The following PCLO variants were observed in gnomAD, a reference collection of about 807,000 sequenced individuals.
PCLO encodes the protein protein piccolo.
A neutral mutation model predicts 427.5 loss-of-function variants in PCLO; 82 were observed. The ratio of observed to expected loss-of-function variants is 0.19; its 90% CI spans 0.16 to 0.23. PCLO has a LOEUF of 0.23. Ranked by LOEUF, PCLO falls within the 10% of genes least tolerant of loss-of-function variation. The probability of loss-of-function intolerance (pLI) is 1.00; values close to 1 mark genes in which losing one functional copy is unlikely to be tolerated. For missense variants in PCLO, 6,239 were observed against 6,115.9 expected, an observed-to-expected ratio of 1.02 and a Z score of -0.67; for synonymous variants, 2,357 against 2,155.4, an observed-to-expected ratio of 1.09 and a Z score of -2.59.
intron 6 of PCLO, among the ~76,000 whole-genome samples, chr7:82,948,018 T>C (rs1795244321): frequency 6.6e-6 from 1 of 152,116 alleles, no homozygotes; most frequent in Non-Finnish European, 1.5e-5. Flanking sequence ...ACTTTGAAAA[T>C]ACTGCCAAAA....
chr7:82,950,970 T>C lies in PCLO; in HGVS notation c.9618A>G (p.Glu3206=). The change falls in exon 6 of 25, where the codon GAA becomes GAG. Residue 3206 remains glutamate, a synonymous_variant. Coordinates refer to ENST00000333891, the MANE Select transcript of PCLO (RefSeq NM_033026.6). ...CTAGCTGCTGCTGTTGTTTATCTTC[T>C]TCAGGGACAATTAAAAGAGCACTTT... The part of the protein sequence containing the change: ...GDESALLIVP[E]EDKQQQQLDL... 7 of 1,613,694 alleles carry C rather than the reference T, an allele frequency of 4.3e-6. No individual in the cohort carries two copies. Among genetic ancestry groups the C allele is most frequent in the Non-Finnish European group, 5.9e-6 (7 of 1,179,872 alleles).
chr7:83,038,024 TA>T lies in PCLO; in HGVS notation c.3301-71538del, dbSNP rs1788852710. Among the ~76,000 whole-genome samples, 2 of 54,288 alleles carry T rather than the reference TA, an allele frequency of 3.7e-5. 1 individual carries two copies. Among genetic ancestry groups the T allele is most frequent in the African/African-American group, 2.6e-4 (2 of 7,634 alleles). 35.6% of individuals were successfully genotyped at this position (54,288 alleles called of 152,430 possible). A position where few individuals can be genotyped will look rare whatever the true frequency, so the allele number is the denominator to read the frequency against. ...ATATATATATATATATATATATATATATATATTTATATATTTATATATATAT... is the reference window on the plus strand; with the variant it reads ...ATATATATATATATATATATATATATTATATTTATATATTTATATATATAT... On this transcript the variant is annotated intron_variant, in intron 3 of 24. Transcript: ENST00000333891.
At chr7:82,762,529 T>A (rs1790452321) in intron 22 of PCLO, among the ~76,000 whole-genome samples, 1 of 152,002 alleles carries the variant, frequency 6.6e-6, no homozygotes, top group African/African-American at 2.4e-5. Context: ...CAAAAAAAAT[T>A]GACAGTCTTC....
intron 6 of PCLO, among the ~76,000 whole-genome samples, chr7:82,946,638 C>A (rs1795210630): frequency 1.3e-5 from 2 of 151,914 alleles, no homozygotes; most frequent in Admixed American, 6.6e-5. Context: ...TTGGCCCATC[C>A]AAAGAACAGC....
chr7:83,025,519 G>T (rs1788470178), intron 3 of PCLO, among the ~76,000 whole-genome samples: 1 of 151,998 alleles, frequency 6.6e-6, no homozygotes, highest in African/African-American at 2.4e-5. Flanking sequence ...AACCAAGTTG[G>T]AAAACACTCT....
chr7:82,981,970 G>A (rs755933694), intron 3 of PCLO, among the ~76,000 whole-genome samples: 6 of 151,880 alleles, frequency 4.0e-5, no homozygotes, highest in Admixed American at 6.6e-5. Context: ...CTTCTTCTCC[G>A]GTTTTTAAAA....
At chr7:82,833,370 T>A (rs1002092223) in intron 16 of PCLO, among the ~76,000 whole-genome samples, 1 of 152,184 alleles carries the variant, frequency 6.6e-6, no homozygotes, top group East Asian at 1.9e-4. Flanking sequence ...CCTTCATATA[T>A]GCTCATTTCC....
At chr7:82,980,424 G>A (rs1352527218) in intron 3 of PCLO, among the ~76,000 whole-genome samples, 3 of 152,044 alleles carry the variant, frequency 2.0e-5, no homozygotes, top group East Asian at 1.9e-4. Context: ...TGCCTGAAAC[G>A]TTCAGCTGAG....
intron 2 of PCLO, among the ~76,000 whole-genome samples, chr7:83,153,898 T>TA (rs146942920): frequency 0.012 from 1,724 of 143,310 alleles, 13 homozygotes; most frequent in Middle Eastern, 0.029. Flanking sequence ...TCTCTTCCCC[T>TA]AAAAAAAAAA....
Position 82,949,285 on chromosome 7 carries a change from ACACACGT to A in PCLO, c.11112+184_11112+190del, listed in dbSNP as rs1795274818. 2.9e-4 allele frequency among the ~76,000 whole-genome samples: 44 copies of A among 151,950 alleles called. 2 individuals are homozygous for A. In the South Asian group the frequency reaches 8.5e-3, roughly 29 times the overall value. ...CACACACACACACACAAGCGCACAC[ACACACGT>A]GTGCACACACACACGCACACACACA... On this transcript the variant is annotated intron_variant, in intron 6 of 24. Coordinates refer to ENST00000333891, the MANE Select transcript of PCLO (RefSeq NM_033026.6).
intron 3 of PCLO, among the ~76,000 whole-genome samples, chr7:83,015,756 G>A (rs968669984): frequency 5.3e-5 from 8 of 151,960 alleles, no homozygotes; most frequent in Non-Finnish European, 1.0e-4. Context: ...TAATAGACTA[G>A]TATTTTACTA....
chr7:82,794,449 A>AT (rs1269595323), intron 22 of PCLO, among the ~76,000 whole-genome samples: 1 of 51,330 alleles, frequency 1.9e-5, no homozygotes, highest in Non-Finnish European at 6.3e-5. Flanking sequence ...CTAGTTCATA[A>AT]ATTTTTTTTC....
chr7:82,764,211 A>G (rs1790486377), intron 22 of PCLO, among the ~76,000 whole-genome samples: 1 of 151,966 alleles, frequency 6.6e-6, no homozygotes, highest in African/African-American at 2.4e-5. Context: ...GTAATAGGTA[A>G]CAAAGGATGC....
intron 9 of PCLO, among the ~76,000 whole-genome samples, chr7:82,889,694 T>A (rs965128766): frequency 6.6e-6 from 1 of 152,082 alleles, no homozygotes; most frequent in East Asian, 1.9e-4. Flanking sequence ...TTTATAATAA[T>A]GGAAAGGGGA....
intron 9 of PCLO, among the ~76,000 whole-genome samples, chr7:82,899,408 C>T (rs1303966347): frequency 1.3e-5 from 2 of 151,240 alleles, no homozygotes; most frequent in East Asian, 3.9e-4. Context: ...TGGTTCTAGC[C>T]TCATATGTAG....
At chr7:82,927,717 G>A (rs1482248874) in intron 6 of PCLO, among the ~76,000 whole-genome samples, 2 of 152,020 alleles carry the variant, frequency 1.3e-5, no homozygotes, top group South Asian at 2.1e-4. Context: ...ATTCATTCTT[G>A]CACTGTATCT....
rs544539764 is a variant in PCLO at position 83,152,208 on chromosome 7, C to A, written c.1893+2540G>T. 5.5e-4 allele frequency among the ~76,000 whole-genome samples: 83 copies of A among 152,222 alleles called. 1 individual carries two copies. Among genetic ancestry groups the A allele is most frequent in the African/African-American group, 1.9e-3 (80 of 41,538 alleles). The stretch of plus-strand genomic sequence containing the variant: ...CTCAATCTCCTGACCTCGTGATCTG[C>A]CCGCCTCGGCCTCCCAAAGTGCTGG... On this transcript the variant is annotated intron_variant, in intron 2 of 24. Transcript: ENST00000333891.
intron 21 of PCLO, among the ~76,000 whole-genome samples, chr7:82,805,159 C>G (rs1160340883): frequency 1.3e-5 from 2 of 151,770 alleles, no homozygotes; most frequent in African/African-American, 2.4e-5. Context: ...GACCTATGCA[C>G]TACTCGGTCT....
Position 83,134,679 on chromosome 7 carries a change from T to C in PCLO, c.2871A>G (p.Gln957=), listed in dbSNP as rs763534621. The C allele has an allele frequency of 1.0e-4, 168 of 1,613,610 alleles. No individual in the cohort carries two copies. The highest frequency in any genetic ancestry group is 1.4e-4 in the Non-Finnish European group (160 of 1,179,794). The change falls in exon 3 of 25, where the codon CAA becomes CAG. Residue 957 remains glutamine, a synonymous_variant. Coordinates refer to ENST00000333891, the MANE Select transcript of PCLO (RefSeq NM_033026.6). ...STAGQPGPHS[Q]SGPGAPMKQA... is the part of the protein sequence containing the mutation. Reference sequence around the variant, plus strand: ...GTTTCATTGGGGCCCCTGGTCCACTTTGTGAATGAGGTCCAGGTTGGCCTG... The same window carrying C: ...GTTTCATTGGGGCCCCTGGTCCACTCTGTGAATGAGGTCCAGGTTGGCCTG...
Sources: allele counts gnomAD v4.1 joint callset (sites outside exome capture counted in the v4.1 genomes callset), GRCh38; gene constraint gnomAD v4.1.1; transcripts MANE v1.5; gene names NCBI Gene and HGNC (gene_info 2026-07-23, HGNC 2026-07-21).